The following SOX7 variants were observed in gnomAD, a reference collection of about 807,000 sequenced individuals.
SOX7 encodes transcription factor SOX-7.
SOX7 carries 19 observed loss-of-function variants against 24.9 expected under a neutral mutation model. The ratio of observed to expected loss-of-function variants is 0.76; its 90% CI spans 0.53 to 1.12. SOX7 has a LOEUF of 1.12. SOX7 is among the 50% of genes most tolerant of loss of function. SOX7 has a pLI of 0.00. For synonymous variants in SOX7, 327 were observed against 244.5 expected (o/e 1.34, Z -3.15); for missense variants, 702 against 535.0 (o/e 1.31, Z -3.08).
At position 10,726,149 on chromosome 8, in the gene SOX7, G is replaced by A. The variant is rs778404377; in HGVS notation, c.756C>T (p.His252=). Residue 252 remains histidine, a synonymous_variant, in exon 2 of 2, where the codon CAC becomes CAT. Transcript: ENST00000304501. ...CCAGGGAGCCCAGGGGGTGGCTACA[G>A]TGGAGAGGGCTTGGGGCGTACTCCG... ...YSPEYAPSPL[H]CSHPLGSLAL... The A allele has an allele frequency of 8.2e-5, 131 of 1,597,396 alleles. No individual in the cohort carries two copies. The highest frequency in any genetic ancestry group is 1.1e-4 in the Non-Finnish European group (129 of 1,172,196).
Position 10,723,924 on chromosome 8 carries a change from C to T in SOX7, c.*1814G>A, listed in dbSNP as rs747259657. On this transcript the variant is annotated 3_prime_UTR_variant, in exon 2 of 2. Coordinates refer to ENST00000304501, the MANE Select transcript of SOX7 (RefSeq NM_031439.4). ...GATTATTCATACATGCTCTGGACTGCGCATCAGTCAATCATATCATCAACA... is the reference window on the plus strand; with the variant it reads ...GATTATTCATACATGCTCTGGACTGTGCATCAGTCAATCATATCATCAACA... 2.0e-5 allele frequency: 3 copies of T among 152,540 alleles called. No homozygotes were observed. The highest frequency in any genetic ancestry group is 2.9e-5 in the Non-Finnish European group (2 of 68,022). The allele number at this position is 152,540 out of a possible 1,614,324, so 9.4% of individuals were successfully genotyped here.
chr8:10,727,771 ACC>A lies in SOX7; in HGVS notation c.239-1107_239-1106del, dbSNP rs1800184246. Among the ~76,000 whole-genome samples the A allele has an allele frequency of 2.0e-5, 3 of 152,236 alleles. No individual in the cohort carries two copies. In the South Asian group the frequency reaches 6.2e-4, roughly 32 times the overall value. ...GGATTCTACAACTTTAACATGTTCT[ACC>A]ATGATGCTAATGTGTCCTGAAGTTT... is the stretch of plus-strand genomic sequence containing the variant. On this transcript the variant is annotated intron_variant, in intron 1 of 1. Transcript: ENST00000304501.
In SOX7 at chr8:10,724,400, C is replaced by G. The variant is rs58772184; in HGVS notation, c.*1338G>C. The G allele has an allele frequency of 0.19, 28,333 of 152,132 alleles. 4,243 individuals carry two copies. Among genetic ancestry groups the G allele is most frequent in the African/African-American group, 0.42 (17,220 of 41,444 alleles). The allele number at this position is 152,132 out of a possible 1,614,324, so 9.4% of individuals were successfully genotyped here. On this transcript the variant is annotated 3_prime_UTR_variant, in exon 2 of 2. Transcript: ENST00000304501. Reference sequence around the variant, plus strand: ...AGTCAGGGGCTGTTTCAGTTAGGGACCAGTTCAGCAGTGGAGGAAGAGCAG... The same window carrying G: ...AGTCAGGGGCTGTTTCAGTTAGGGAGCAGTTCAGCAGTGGAGGAAGAGCAG...
Position 10,726,209 on chromosome 8 carries a change from G to C in SOX7, c.696C>G (p.Arg232=). ...SPCQEEHGHP[R]RIPHLPGHPY... is the part of the protein sequence containing the mutation. Reference sequence around the variant, plus strand: ...GGTGCCCTGGCAGGTGGGGGATGCGGCGGGGATGGCCATGCTCCTCCTGGC... The same window carrying C: ...GGTGCCCTGGCAGGTGGGGGATGCGCCGGGGATGGCCATGCTCCTCCTGGC... Residue 232 remains arginine (R), a synonymous_variant, in exon 2 of 2, where the codon CGC becomes CGG. Coordinates refer to ENST00000304501, the MANE Select transcript of SOX7 (RefSeq NM_031439.4). 1 of 1,610,772 alleles carries C rather than the reference G, an allele frequency of 6.2e-7. No homozygotes were observed. The highest frequency in any genetic ancestry group is 8.5e-7 in the Non-Finnish European group (1 of 1,177,778).
intron 1 of SOX7, among the ~76,000 whole-genome samples, chr8:10,727,706 G>A (rs906256044): frequency 1.3e-5 from 2 of 152,184 alleles, no homozygotes; most frequent in Non-Finnish European, 2.9e-5. Flanking sequence ...GGGGCTTCTG[G>A]ACCCCTTGGG....
Position 10,725,872 on chromosome 8 carries a change from C to T in SOX7, c.1033G>A (p.Ala345Thr), listed in dbSNP as rs760048358. 9.3e-6 allele frequency: 15 copies of T among 1,614,056 alleles called. No homozygotes were observed. Among genetic ancestry groups the T allele is most frequent in the Admixed American group, 6.7e-5 (4 of 60,004 alleles). ...YLNTPGHPDS[A>T]TGAMALSGHV... ...CCACTGAGGGCCATGGCCCCTGTGGCGGAGTCTGGGTGGCCAGGAGTGTTC... is the reference window on the plus strand; with the variant it reads ...CCACTGAGGGCCATGGCCCCTGTGGTGGAGTCTGGGTGGCCAGGAGTGTTC... The change falls in exon 2 of 2, where the codon GCC (alanine) becomes ACC (threonine). Residue 345 changes from alanine (A) to threonine (T), a missense_variant. Physicochemically the swap from Ala to Thr is moderately conservative, Grantham distance 58. Coordinates refer to ENST00000304501, the MANE Select transcript of SOX7 (RefSeq NM_031439.4).
At position 10,726,468 on chromosome 8, in the gene SOX7, G is replaced by C; in HGVS notation, c.437C>G (p.Pro146Arg). ...SSLSRDQNALPEKRSGSRGAL... is the reference protein window; with the variant it reads ...SSLSRDQNALREKRSGSRGAL... Reference sequence around the variant, plus strand: ...CCCCCGGCTGCCGCTTCTCTTCTCCGGCAGGGCGTTCTGGTCCCGGGAGAG... The same window carrying C: ...CCCCCGGCTGCCGCTTCTCTTCTCCCGCAGGGCGTTCTGGTCCCGGGAGAG... Residue 146 changes from proline to arginine, a missense_variant, in exon 2 of 2, where the codon CCG becomes CGG. By Grantham distance (103) the Pro-to-Arg change is moderately radical. Coordinates refer to ENST00000304501, the MANE Select transcript of SOX7 (RefSeq NM_031439.4). The C allele has an allele frequency of 1.2e-6, 2 of 1,612,250 alleles. No homozygotes were observed. Among genetic ancestry groups the C allele is most frequent in the Non-Finnish European group, 1.7e-6 (2 of 1,179,860 alleles).
Position 10,724,245 on chromosome 8 carries a change from T to A in SOX7, c.*1493A>T, listed in dbSNP as rs979117701. On this transcript the variant is annotated 3_prime_UTR_variant, in exon 2 of 2. Coordinates refer to ENST00000304501, the MANE Select transcript of SOX7 (RefSeq NM_031439.4). ...GCAGGGGTCCAGGGCTCAGAAACAT[T>A]TTTGGAATCACAGTGAGTTTCTGAT... 1 of 152,092 alleles carries A rather than the reference T, an allele frequency of 6.6e-6. No individual in the cohort carries two copies. Among genetic ancestry groups the A allele is most frequent in the Admixed American group, 6.5e-5 (1 of 15,280 alleles). 9.4% of individuals were successfully genotyped at this position (152,092 alleles called of 1,614,324 possible).
At position 10,724,590 on chromosome 8, in the gene SOX7, TAGAAAC is replaced by T. The variant is rs1430039634; in HGVS notation, c.*1142_*1147del. 6.6e-6 allele frequency: 1 copy of T among 152,186 alleles called. No individual in the cohort carries two copies. Among genetic ancestry groups the T allele is most frequent in the East Asian group, 1.9e-4 (1 of 5,200 alleles). The allele number at this position is 152,186 out of a possible 1,614,324, so 9.4% of individuals were successfully genotyped here. A position where few individuals can be genotyped will look rare whatever the true frequency, so the allele number is the denominator to read the frequency against. On this transcript the variant is annotated 3_prime_UTR_variant, in exon 2 of 2. Coordinates refer to ENST00000304501, the MANE Select transcript of SOX7 (RefSeq NM_031439.4). The stretch of plus-strand genomic sequence containing the variant: ...TTAGGTACCCTGGGTCTTTGGTCAT[TAGAAAC>T]AGGGAGTTGGCAACAAGTTGTCATT...
In SOX7 at chr8:10,725,966, G is replaced by A. The variant is rs113624178; in HGVS notation, c.939C>T (p.Asp313=). The A allele has an allele frequency of 3.9e-3, 6,346 of 1,610,272 alleles. 19 individuals are homozygous for A. Among genetic ancestry groups the A allele is most frequent in the Non-Finnish European group, 3.8e-3 (4,517 of 1,177,304 alleles). The change falls in exon 2 of 2, where the codon GAC becomes GAT. Residue 313 remains aspartate (D), a synonymous_variant. Transcript: ENST00000304501. ...CCACCTGGCTCAGTTGATCCAGGGCGTCGAAGCCAGGGTGCTCAGGAGGCG... is the reference window on the plus strand; with the variant it reads ...CCACCTGGCTCAGTTGATCCAGGGCATCGAAGCCAGGGTGCTCAGGAGGCG... ...LSPPPEHPGF[D]ALDQLSQVEL...
rs1331368076 is a variant in SOX7, at chr8:10,726,381, C to T, written c.524G>A (p.Arg175Gln). The change falls in exon 2 of 2, where the codon CGG becomes CAG. Residue 175 changes from arginine to glutamine, a missense_variant. By Grantham distance (43) the Arg-to-Gln change is conservative. Transcript: ENST00000304501. ...YSPGTALPSLRGCYHEGPAGG... is the reference protein window; with the variant it reads ...YSPGTALPSLQGCYHEGPAGG... ...AGCCGGCCCCTCGTGGTAGCAGCCC[C>T]GGAGGCTGGGCAGGGCAGTGCCGGG... is the stretch of plus-strand genomic sequence containing the variant. 6 of 1,612,398 alleles carry T rather than the reference C, an allele frequency of 3.7e-6. No individual in the cohort carries two copies. Among genetic ancestry groups the T allele is most frequent in the Non-Finnish European group, 5.1e-6 (6 of 1,179,418 alleles).
Position 10,725,363 on chromosome 8 carries a change from C to T in SOX7, c.*375G>A, listed in dbSNP as rs1326065585. 8.0e-6 allele frequency: 2 copies of T among 249,852 alleles called. No individual in the cohort carries two copies. The highest frequency in any genetic ancestry group is 1.5e-5 in the Non-Finnish European group (2 of 129,558). 15.5% of individuals were successfully genotyped at this position (249,852 alleles called of 1,614,324 possible). ...TCTTCCTTTATTAATCTTGAGAGAA[C>T]CCTAAATCAGAAAACTGGACCAGAA... On this transcript the variant is annotated 3_prime_UTR_variant, in exon 2 of 2. Transcript: ENST00000304501.
Position 10,726,385 on chromosome 8 carries a change from G to T in SOX7, c.520C>A (p.Leu174Ile). The T allele has an allele frequency of 3.7e-6, 6 of 1,612,376 alleles. No homozygotes were observed. The highest frequency in any genetic ancestry group is 5.1e-6 in the Non-Finnish European group (6 of 1,179,320). ...GGCCCCTCGTGGTAGCAGCCCCGGA[G>T]GCTGGGCAGGGCAGTGCCGGGGGAG... is the stretch of plus-strand genomic sequence containing the variant. ...EYSPGTALPSLRGCYHEGPAG... is the reference protein window; with the variant it reads ...EYSPGTALPSIRGCYHEGPAG... Residue 174 changes from leucine (L) to isoleucine (I), a missense_variant, in exon 2 of 2, where the codon CTC (leucine) becomes ATC (isoleucine). Transcript: ENST00000304501.
chr8:10,726,403 C>G lies in SOX7; in HGVS notation c.502G>C (p.Gly168Arg), dbSNP rs1249702262. Reference sequence around the variant, plus strand: ...CCCCGGAGGCTGGGCAGGGCAGTGCCGGGGGAGTACTCACCCCTGTCCTCC... The same window carrying G: ...CCCCGGAGGCTGGGCAGGGCAGTGCGGGGGGAGTACTCACCCCTGTCCTCC... ...EKEDRGEYSPGTALPSLRGCY... is the reference protein window; with the variant it reads ...EKEDRGEYSPRTALPSLRGCY... The change falls in exon 2 of 2, where the codon GGC (glycine) becomes CGC (arginine). Residue 168 changes from glycine (G) to arginine (R), a missense_variant. By Grantham distance (125) the Gly-to-Arg change is moderately radical. Coordinates refer to ENST00000304501, the MANE Select transcript of SOX7 (RefSeq NM_031439.4). 3 of 1,611,900 alleles carry G rather than the reference C, an allele frequency of 1.9e-6. No homozygotes were observed. Among genetic ancestry groups the G allele is most frequent in the Non-Finnish European group, 2.5e-6 (3 of 1,179,302 alleles).
chr8:10,730,408 G>T lies in SOX7; in HGVS notation c.26C>A (p.Pro9His). The T allele has an allele frequency of 6.7e-7, 1 of 1,497,600 alleles. No individual in the cohort carries two copies. The allele number at this position is 1,497,600 out of a possible 1,614,324, so 92.8% of individuals were successfully genotyped here. A position where few individuals can be genotyped will look rare whatever the true frequency, so the allele number is the denominator to read the frequency against. The change falls in exon 1 of 2, where the codon CCT becomes CAT. Residue 9 changes from proline (P) to histidine (H), a missense_variant. Coordinates refer to ENST00000304501, the MANE Select transcript of SOX7 (RefSeq NM_031439.4). This position sits in a 1 kb window ranked among gnomAD's most constrained non-coding sequence, Gnocchi z 4.8. ...CGGGCACTCGAGACCCTCGGGCCAA[G>T]GGTAGGCTCCCAGCAGCGAAGCCAT... is the stretch of plus-strand genomic sequence containing the variant. MASLLGAY[P>H]WPEGLECPAL...
Position 10,726,132 on chromosome 8 carries a change from C to G in SOX7, c.773G>C (p.Gly258Ala). 1 of 1,583,192 alleles carries G rather than the reference C, an allele frequency of 6.3e-7. No homozygotes were observed. The highest frequency in any genetic ancestry group is 1.3e-5 in the African/African-American group (1 of 74,516). Reference protein sequence around the residue: ...PSPLHCSHPLGSLALGQSPGV... With the variant: ...PSPLHCSHPLASLALGQSPGV... ...GGGGGACTGGCCAAGGGCCAGGGAG[C>G]CCAGGGGGTGGCTACAGTGGAGAGG... Residue 258 changes from glycine (G) to alanine (A), a missense_variant, in exon 2 of 2, where the codon GGC (glycine) becomes GCC (alanine). Gly to Ala is a moderately conservative substitution (Grantham distance 60). Transcript: ENST00000304501.
intron 1 of SOX7, among the ~76,000 whole-genome samples, chr8:10,728,415 G>A (rs753735506): frequency 3.3e-5 from 5 of 152,212 alleles, no homozygotes; most frequent in Non-Finnish European, 7.3e-5. Context: ...GGAAAGAGCT[G>A]AGAAGGAAAT....
rs751255370 is a variant in SOX7 at position 10,726,047 on chromosome 8, CGGGGAGTAATA to C, written c.847_857del (p.Tyr283GlyfsTer22). On this transcript the variant is annotated frameshift_variant, in exon 2 of 2. Coordinates refer to ENST00000304501, the MANE Select transcript of SOX7 (RefSeq NM_031439.4). LOFTEE classifies it high-confidence loss of function. ...TGGAGTGGAGTGGGTGGTAGGTGGC[CGGGGAGTAATA>C]GGCAGGAGATGGGGGACAGCCGGGT... 6.4e-7 allele frequency: 1 copy of C among 1,568,862 alleles called. No homozygotes were observed. Among genetic ancestry groups the C allele is most frequent in the Admixed American group, 1.8e-5 (1 of 56,488 alleles).
In SOX7 at chr8:10,726,017, G is replaced by C; in HGVS notation, c.888C>G (p.Leu296=). The change falls in exon 2 of 2, where the codon CTC becomes CTG. Residue 296 remains leucine, a synonymous_variant. Transcript: ENST00000304501. ...PATYHPLHSN[L]QAHLGQLSPP... The stretch of plus-strand genomic sequence containing the variant: ...GGGAAAGCTGGCCCAGGTGGGCTTG[G>C]AGGTTGGAGTGGAGTGGGTGGTAGG... The C allele has an allele frequency of 6.3e-7, 1 of 1,586,252 alleles. No individual in the cohort carries two copies. The highest frequency in any genetic ancestry group is 8.6e-7 in the Non-Finnish European group (1 of 1,165,184).
Sources: allele counts gnomAD v4.1 joint callset (sites outside exome capture counted in the v4.1 genomes callset), GRCh38; gene constraint gnomAD v4.1.1; non-coding constraint Gnocchi (gnomAD v3.1); transcripts MANE v1.5; gene names NCBI Gene and HGNC (gene_info 2026-07-23, HGNC 2026-07-21).